The following GRIK1 variants were observed in gnomAD, a reference collection of about 807,000 sequenced individuals.
The protein encoded by GRIK1 is glutamate ionotropic receptor kainate type subunit 1.
Under a neutral mutation model 105.7 loss-of-function variants are expected in GRIK1, and 69 were observed. The observed-to-expected ratio is 0.65, with a 90% CI of 0.54 to 0.80. The LOEUF (loss-of-function observed/expected upper bound fraction) is 0.80, where lower values mean the gene tolerates loss of function less well. Among genes scored for constraint, GRIK1 ranks in the 30% least tolerant of loss-of-function variants. The pLI, the probability that GRIK1 is intolerant of heterozygous loss-of-function variation, is 0.00. For synonymous variants in GRIK1, 438 were observed against 431.3 expected (o/e 1.02, Z -0.19); for missense variants, 1,109 against 1,167.3 (o/e 0.95, Z 0.73).
At chr21:29,619,475 CAG>C (rs1405289621) in intron 7 of GRIK1, among the ~76,000 whole-genome samples, 2 of 151,698 alleles carry the variant, frequency 1.3e-5, no homozygotes, top group Admixed American at 6.6e-5. Flanking sequence ...TTTGGTGACT[CAG>C]GGGGAAAAGA....
chr21:29,906,073 A>C (rs1403143973), intron 1 of GRIK1, among the ~76,000 whole-genome samples: 1 of 152,296 alleles, frequency 6.6e-6, no homozygotes, highest in African/African-American at 2.4e-5. Context: ...CTATCAGCTG[A>C]AAAATATGCT....
At chr21:29,655,825 A>G (rs1403297423) in intron 4 of GRIK1, among the ~76,000 whole-genome samples, 1 of 151,988 alleles carries the variant, frequency 6.6e-6, no homozygotes, top group Non-Finnish European at 1.5e-5. Context: ...GAGCGTGTAT[A>G]TTGTTTTTAC....
At chr21:29,688,517 T>C (rs2063527369) in intron 3 of GRIK1, among the ~76,000 whole-genome samples, 1 of 113,840 alleles carries the variant, frequency 8.8e-6, no homozygotes, top group East Asian at 2.4e-4. Context: ...ATTTCAACTC[T>C]TGGAGAAAAA....
At chr21:29,756,763 A>C (rs996821680) in intron 1 of GRIK1, among the ~76,000 whole-genome samples, 1 of 151,738 alleles carries the variant, frequency 6.6e-6, no homozygotes, top group Non-Finnish European at 1.5e-5. Flanking sequence ...TTAAAAAAAT[A>C]AAAAAAATAA....
At chr21:29,553,607 A>G (rs363504) in intron 16 of GRIK1, 88,419 of 1,608,156 alleles carry the variant, frequency 0.055, 3,656 homozygotes, top group African/African-American at 0.19. Flanking sequence ...CTCTCGAATT[A>G]ATTTACCACA....
intron 1 of GRIK1, among the ~76,000 whole-genome samples, chr21:29,925,183 A>C (rs1384560351): frequency 1.3e-5 from 2 of 152,226 alleles, no homozygotes; most frequent in African/African-American, 4.8e-5. Flanking sequence ...CTATAACATC[A>C]CATTGTTTCC....
intron 1 of GRIK1, among the ~76,000 whole-genome samples, chr21:29,711,928 A>G (rs920969127): frequency 2.0e-5 from 3 of 151,976 alleles, no homozygotes; most frequent in Non-Finnish European, 4.4e-5. Context: ...TTTTTTGAAA[A>G]TAAAGAAAAA....
At chr21:29,587,245 T>C (rs984813057) in intron 12 of GRIK1, 121 bp downstream of exon 12, 3 of 590,666 alleles carry the variant, frequency 5.1e-6, no homozygotes, top group South Asian at 2.4e-5. Flanking sequence ...CTTCCAAGAA[T>C]AGAACACTAG....
At chr21:29,899,729 T>C (rs956928312) in intron 1 of GRIK1, among the ~76,000 whole-genome samples, 1 of 152,100 alleles carries the variant, frequency 6.6e-6, no homozygotes, top group Non-Finnish European at 1.5e-5. Flanking sequence ...CTTGGTGGCA[T>C]GTACTCTATG....
chr21:29,654,946 T>G, intron 4 of GRIK1, 83 bp from the exon 5 acceptor site: 1 of 870,670 alleles, frequency 1.1e-6, no homozygotes, highest in Non-Finnish European at 2.0e-6. Context: ...TGCAAATGCT[T>G]GGAAACATAG....
intron 1 of GRIK1, among the ~76,000 whole-genome samples, chr21:29,921,876 A>T (rs1158494496): frequency 2.0e-5 from 3 of 152,204 alleles, no homozygotes; most frequent in Non-Finnish European, 4.4e-5. Context: ...CACTTCTTGC[A>T]TTTCCTAGGT....
At chr21:29,600,417 A>G (rs2061497553) in intron 7 of GRIK1, among the ~76,000 whole-genome samples, 1 of 152,088 alleles carries the variant, frequency 6.6e-6, no homozygotes, top group Non-Finnish European at 1.5e-5. Flanking sequence ...CCCTTGGGAG[A>G]GTCTTCAGCT....
At chr21:29,626,803 A>G (rs1454213327) in intron 7 of GRIK1, among the ~76,000 whole-genome samples, 1 of 152,230 alleles carries the variant, frequency 6.6e-6, no homozygotes, top group East Asian at 1.9e-4. Context: ...TGAATCACCC[A>G]GCATATTTTC....
intron 1 of GRIK1, among the ~76,000 whole-genome samples, chr21:29,733,063 A>G (rs1409192703): frequency 2.0e-5 from 3 of 151,388 alleles, no homozygotes; most frequent in Admixed American, 6.6e-5. Context: ...AGGCGGTTAC[A>G]TTTTGACTGA....
chr21:29,661,252 A>C (rs2062956320), intron 4 of GRIK1, among the ~76,000 whole-genome samples: 1 of 152,256 alleles, frequency 6.6e-6, no homozygotes, highest in Non-Finnish European at 1.5e-5. Context: ...ATATCCATCT[A>C]CTTATGGAGG....
chr21:29,876,790 A>G (rs1249158888), intron 1 of GRIK1, among the ~76,000 whole-genome samples: 2 of 152,204 alleles, frequency 1.3e-5, no homozygotes, highest in Non-Finnish European at 2.9e-5. Flanking sequence ...TACCACATAC[A>G]TAAACTGAAT....
chr21:29,581,599 G>T (rs1040027942), intron 12 of GRIK1, 56 bp from the exon 13 acceptor site: 2 of 1,018,932 alleles, frequency 2.0e-6, no homozygotes, highest in Non-Finnish European at 3.1e-6. Context: ...CAGGACACCA[G>T]CAAAACCAAA....
intron 1 of GRIK1, among the ~76,000 whole-genome samples, chr21:29,812,920 A>T (rs1444475764): frequency 6.6e-6 from 1 of 152,158 alleles, no homozygotes; most frequent in East Asian, 1.9e-4. Flanking sequence ...ATACAAACAT[A>T]ATGAATAGGG....
chr21:29,679,956 A>C (rs58229751), intron 3 of GRIK1, among the ~76,000 whole-genome samples: 7,557 of 152,282 alleles, frequency 0.05, 389 homozygotes, highest in African/African-American at 0.13. Context: ...TAATTGAAAC[A>C]CTGAGCCAAA....
Sources: allele counts gnomAD v4.1 joint callset (sites outside exome capture counted in the v4.1 genomes callset), GRCh38; gene constraint gnomAD v4.1.1; transcripts MANE v1.5; gene names NCBI Gene and HGNC (gene_info 2026-07-23, HGNC 2026-07-21).